The following TRIM9 variants were observed in gnomAD, a reference collection of about 807,000 sequenced individuals.
TRIM9 encodes E3 ubiquitin-protein ligase TRIM9.
Under a neutral mutation model 78.3 loss-of-function variants are expected in TRIM9, and 26 were observed. The ratio of observed to expected loss-of-function variants is 0.33; its 90% CI spans 0.24 to 0.46. TRIM9 has a LOEUF of 0.46. TRIM9 is among the 20% of genes least tolerant of loss of function. TRIM9 has a pLI of 1.00. For missense variants in TRIM9, 787 were observed against 1,036.4 expected (o/e 0.76, Z 3.30); for synonymous variants, 398 against 416.5 (o/e 0.96, Z 0.54).
chr14:51,057,887 A>G (rs2061012648), intron 1 of TRIM9, among the ~76,000 whole-genome samples: 1 of 152,222 alleles, frequency 6.6e-6, no homozygotes, highest in Non-Finnish European at 1.5e-5. Context: ...GTCTGTACAC[A>G]AGTTTATCCA....
At chr14:51,067,932 T>C (rs1359159379) in intron 1 of TRIM9, among the ~76,000 whole-genome samples, 1 of 152,232 alleles carries the variant, frequency 6.6e-6, no homozygotes, top group Non-Finnish European at 1.5e-5. Context: ...AAGTCTTGTG[T>C]ATTGTTGTAT....
At chr14:51,005,771 A>G (rs1336459719) in intron 5 of TRIM9, among the ~76,000 whole-genome samples, 7 of 152,226 alleles carry the variant, frequency 4.6e-5, no homozygotes, top group African/African-American at 1.7e-4. Flanking sequence ...AGAGGGTAAG[A>G]TGATTTTCTA....
At chr14:51,079,123 G>C (rs1292151142) in intron 1 of TRIM9, among the ~76,000 whole-genome samples, 1 of 152,102 alleles carries the variant, frequency 6.6e-6, no homozygotes, top group African/African-American at 2.4e-5. Context: ...CTTAATAATA[G>C]ACACTAATCC....
At chr14:51,067,366 C>T (rs1054430673) in intron 1 of TRIM9, among the ~76,000 whole-genome samples, 2 of 152,306 alleles carry the variant, frequency 1.3e-5, no homozygotes, top group East Asian at 1.9e-4. Context: ...ACCACGACAA[C>T]AGCCTACTAA....
chr14:51,061,466 T>C (rs1025449565), intron 1 of TRIM9, among the ~76,000 whole-genome samples: 4 of 151,898 alleles, frequency 2.6e-5, no homozygotes, highest in African/African-American at 9.7e-5. Flanking sequence ...AGGATATACA[T>C]ATTGAATTTA....
chr14:51,021,412 C>T lies in TRIM9; in HGVS notation c.1041+1423G>A, dbSNP rs151248279. On this transcript the variant is annotated intron_variant, in intron 3 of 12. Transcript: ENST00000684578. Reference sequence around the variant, plus strand: ...CCGTTTTAACTGCAAGTAATTTTGCCCTGTCAAACTTCTATGACATTGGGC... The same window carrying T: ...CCGTTTTAACTGCAAGTAATTTTGCTCTGTCAAACTTCTATGACATTGGGC... Among the ~76,000 whole-genome samples the T allele has an allele frequency of 1.8e-4, 28 of 152,322 alleles. No homozygotes were observed. The East Asian group carries it at 5.2e-3, about 28-fold the overall frequency.
At chr14:50,988,454 TG>T (rs1378378219) in intron 7 of TRIM9, 1 of 152,184 alleles carries the variant, frequency 6.6e-6, no homozygotes, top group African/African-American at 2.4e-5. Flanking sequence ...GGCATTAAGA[TG>T]GTTATGGCTC....
intron 5 of TRIM9, among the ~76,000 whole-genome samples, chr14:51,004,158 G>A (rs1425480203): frequency 6.6e-6 from 1 of 152,114 alleles, no homozygotes. Context: ...TCATTCTGGG[G>A]CAGCTTTTGT....
chr14:51,073,600 A>G (rs535839202), intron 1 of TRIM9, among the ~76,000 whole-genome samples: 28 of 152,332 alleles, frequency 1.8e-4, no homozygotes, highest in African/African-American at 6.5e-4. Flanking sequence ...CAAAGTTACC[A>G]TGCTGCTAGA....
At chr14:51,082,189 C>T (rs976102681) in intron 1 of TRIM9, among the ~76,000 whole-genome samples, 1 of 152,182 alleles carries the variant, frequency 6.6e-6, no homozygotes, top group Admixed American at 6.5e-5. Context: ...CAGGAAATCC[C>T]AAGGGTTTTA....
In TRIM9 at chr14:50,979,392, C is replaced by G. The variant is rs754566075; in HGVS notation, c.2320G>C (p.Val774Leu). 1 of 1,614,078 alleles carries G rather than the reference C, an allele frequency of 6.2e-7. No homozygotes were observed. Among genetic ancestry groups the G allele is most frequent in the East Asian group, 2.2e-5 (1 of 44,892 alleles). Reference protein sequence around the residue: ...FFPAVSLNRNVQVTLHTGLPV... With the variant: ...FFPAVSLNRNLQVTLHTGLPV... ...CTCAGGGGCAGGGTGCTTACCTGCA[C>G]GTTCCTGTTCAGGCTGACCGCAGGG... The change falls in exon 12 of 13, where the codon GTG (valine) becomes CTG (leucine). Residue 774 changes from valine to leucine, a missense_variant. By Grantham distance (32) the Val-to-Leu change is conservative. Around this residue, in one of 3 missense-constraint regions of TRIM9, gnomAD observed 421 missense variants for 514.3 expected, o/e 0.82. Transcript: ENST00000684578.
At chr14:51,093,967 T>C in intron 1 of TRIM9, 151 bp downstream of exon 1, 1 of 726,868 alleles carries the variant, frequency 1.4e-6, no homozygotes, top group South Asian at 1.8e-5. Context: ...CCATGCCTCC[T>C]GCAATGCACC....
At position 50,983,690 on chromosome 14, in the gene TRIM9, A is replaced by G. The variant is rs554252429; in HGVS notation, c.1793-269T>C. On this transcript the variant is annotated intron_variant, in intron 8 of 12. Transcript: ENST00000684578. ...CTGAATTTTTCATCTTCCAAGTTCA[A>G]TCTTTTCCTCTAAAGTTTCCACAGT... 2.0e-5 allele frequency among the ~76,000 whole-genome samples: 3 copies of G among 152,344 alleles called. No homozygotes were observed. In the East Asian group the frequency reaches 5.8e-4, roughly 29 times the overall value.
At chr14:51,015,994 T>C (rs1879266447) in intron 3 of TRIM9, among the ~76,000 whole-genome samples, 1 of 152,184 alleles carries the variant, frequency 6.6e-6, no homozygotes, top group African/African-American at 2.4e-5. Flanking sequence ...CTTTAATCCT[T>C]TTTGTTTAAG....
rs1438158899 is a variant in TRIM9, at chr14:50,976,956, T to C, written c.*335A>G. On this transcript the variant is annotated 3_prime_UTR_variant, in exon 13 of 13. Coordinates refer to ENST00000684578, the MANE Select transcript of TRIM9 (RefSeq NM_001387360.1). ...GTCCAGTAAGTCACCAATAACCTGA[T>C]CAGAAAAGAAAGAAAATATAACTCA... 1 of 183,496 alleles carries C rather than the reference T, an allele frequency of 5.4e-6. No homozygotes were observed. Among genetic ancestry groups the C allele is most frequent in the Non-Finnish European group, 1.1e-5 (1 of 88,962 alleles). 11.4% of individuals were successfully genotyped at this position (183,496 alleles called of 1,614,324 possible).
rs369627579 is a variant in TRIM9, at chr14:51,094,976, C to G, written c.-37G>C. 8.7e-6 allele frequency: 12 copies of G among 1,374,348 alleles called. No homozygotes were observed. Among genetic ancestry groups the G allele is most frequent in the African/African-American group, 1.4e-5 (1 of 69,110 alleles). The allele number at this position is 1,374,348 out of a possible 1,614,324, so 85.1% of individuals were successfully genotyped here. On this transcript the variant is annotated 5_prime_UTR_variant, in exon 1 of 13. Transcript: ENST00000684578. ...TGGGAGGAGACAGCGACGGCTGCAG[C>G]GGGTGCCTGAGCTGGCGAGGTGGCC...
intron 1 of TRIM9, among the ~76,000 whole-genome samples, chr14:51,083,768 T>A (rs2063522164): frequency 6.6e-6 from 1 of 152,196 alleles, no homozygotes; most frequent in Non-Finnish European, 1.5e-5. Context: ...TGCAAAATGT[T>A]TGATTAGTGG....
At chr14:51,075,661 G>A (rs2140268043) in intron 1 of TRIM9, among the ~76,000 whole-genome samples, 1 of 152,294 alleles carries the variant, frequency 6.6e-6, no homozygotes, top group East Asian at 1.9e-4. Context: ...CAGACTCCCA[G>A]AGGTGAGTGA....
At chr14:51,007,605 A>G (rs1425842064) in intron 5 of TRIM9, among the ~76,000 whole-genome samples, 1 of 152,180 alleles carries the variant, frequency 6.6e-6, no homozygotes, top group African/African-American at 2.4e-5. Flanking sequence ...CCTGTGCCCC[A>G]GTTTCTTCAA....
Sources: allele counts gnomAD v4.1 joint callset (sites outside exome capture counted in the v4.1 genomes callset), GRCh38; gene constraint gnomAD v4.1.1; regional missense constraint gnomAD v4.1.1; transcripts MANE v1.5; gene names NCBI Gene and HGNC (gene_info 2026-07-23, HGNC 2026-07-21).